Variants in GPC5 observed in about 807,000 individuals in gnomAD.
The protein encoded by GPC5 is glypican-5.
GPC5 carries 47 observed loss-of-function variants against 53.9 expected under a neutral mutation model. That is an observed-to-expected ratio of 0.87 (90% CI 0.69 to 1.11). The LOEUF is 1.11. Ranked by LOEUF, GPC5 falls within the 50% of genes most tolerant of loss-of-function variation. The pLI is 0.00. For synonymous variants in GPC5, 286 were observed against 263.3 expected (o/e 1.09, Z -0.84); for missense variants, 748 against 713.1 (o/e 1.05, Z -0.56).
chr13:91,650,750 G>GTTTTTGTTTTTTTTTTTTTTTTT lies in GPC5; in HGVS notation c.326-42432_326-42431insGTTTTTTTTTTTTTTTTTTTTTT, dbSNP rs1491353283. On this transcript the variant is annotated intron_variant, in intron 2 of 7. Transcript: ENST00000377067. ...CATCTGTGAAACAAAATTCCCATAAGTTTTTTTTTTTTTTTTTTTTTTAGC... is the reference window on the plus strand; with the variant it reads ...CATCTGTGAAACAAAATTCCCATAAGTTTTTGTTTTTTTTTTTTTTTTTTTTTTTTTTTTTTTTTTTTTTTAGC... Among the ~76,000 whole-genome samples, 554 of 99,566 alleles carry GTTTTTGTTTTTTTTTTTTTTTTT rather than the reference G, an allele frequency of 5.6e-3. 15 individuals are homozygous for GTTTTTGTTTTTTTTTTTTTTTTT. Among genetic ancestry groups the GTTTTTGTTTTTTTTTTTTTTTTT allele is most frequent in the East Asian group, 0.011 (33 of 3,036 alleles). 65.3% of individuals were successfully genotyped at this position (99,566 alleles called of 152,430 possible).
intron 7 of GPC5, among the ~76,000 whole-genome samples, chr13:92,349,711 ATG>A (rs2043459768): frequency 2.6e-5 from 4 of 152,102 alleles, no homozygotes; most frequent in Admixed American, 6.6e-5. Flanking sequence ...AAAATCTGAA[ATG>A]ACCAATAAGA....
intron 5 of GPC5, among the ~76,000 whole-genome samples, chr13:91,828,400 TAG>T (rs1319961898): frequency 4.6e-5 from 7 of 151,912 alleles, no homozygotes; most frequent in Non-Finnish European, 1.0e-4. Flanking sequence ...GGAAGATAGA[TAG>T]AGACACACAG....
intron 7 of GPC5, among the ~76,000 whole-genome samples, chr13:92,411,905 T>C (rs1594179466): frequency 6.6e-6 from 1 of 152,200 alleles, no homozygotes; most frequent in East Asian, 1.9e-4. Flanking sequence ...CAAAAGTAAT[T>C]GCGGTTTTAG....
At chr13:92,741,841 G>GT (rs943030665) in intron 7 of GPC5, among the ~76,000 whole-genome samples, 3 of 151,972 alleles carry the variant, frequency 2.0e-5, no homozygotes, top group African/African-American at 4.8e-5. Context: ...GCGGTGTTTG[G>GT]TTTTTTTCCT....
At chr13:92,011,146 T>G (rs536759649) in intron 6 of GPC5, among the ~76,000 whole-genome samples, 1 of 152,290 alleles carries the variant, frequency 6.6e-6, no homozygotes, top group East Asian at 1.9e-4. Flanking sequence ...TAAGCAAAGA[T>G]TTTTCATTAG....
At chr13:91,722,469 A>T (rs1025438671) in intron 3 of GPC5, among the ~76,000 whole-genome samples, 2 of 152,214 alleles carry the variant, frequency 1.3e-5, no homozygotes, top group Non-Finnish European at 2.9e-5. Flanking sequence ...AATTATGAAT[A>T]GGAATGAAAT....
chr13:92,426,152 C>T (rs1023898907), intron 7 of GPC5, among the ~76,000 whole-genome samples: 1 of 152,002 alleles, frequency 6.6e-6, no homozygotes, highest in Non-Finnish European at 1.5e-5. Flanking sequence ...AGAATTTGTT[C>T]ATTTTATTTA....
At chr13:92,187,232 A>T (rs905764272) in intron 7 of GPC5, among the ~76,000 whole-genome samples, 1 of 152,198 alleles carries the variant, frequency 6.6e-6, no homozygotes, top group African/African-American at 2.4e-5. Context: ...CACTTTAAGA[A>T]TGGATTGCAG....
chr13:92,586,807 A>T (rs1883550128), intron 7 of GPC5, among the ~76,000 whole-genome samples: 1 of 152,188 alleles, frequency 6.6e-6, no homozygotes, highest in Non-Finnish European at 1.5e-5. Flanking sequence ...AAGGTGAAAG[A>T]GGTCAAGCAT....
At chr13:92,385,606 C>CACATAT (rs897003564) in intron 7 of GPC5, among the ~76,000 whole-genome samples, 6 of 142,404 alleles carry the variant, frequency 4.2e-5, no homozygotes, top group African/African-American at 1.5e-4. Flanking sequence ...TACATATATA[C>CACATAT]ACATATACAT....
chr13:91,908,096 T>G (rs201435726), intron 6 of GPC5, 39 bp downstream of exon 6: 9 of 1,380,180 alleles, frequency 6.5e-6, no homozygotes, highest in Non-Finnish European at 8.5e-6. Flanking sequence ...TACTCAGTCA[T>G]AAATAATAAG....
intron 7 of GPC5, among the ~76,000 whole-genome samples, chr13:92,766,734 G>A (rs1875419567): frequency 6.6e-6 from 1 of 152,218 alleles, no homozygotes; most frequent in South Asian, 2.1e-4. Flanking sequence ...AAAATAGAGA[G>A]AGAGAGAGCA....
Position 92,721,357 on chromosome 13 carries a change from C to T in GPC5, c.1562-144925C>T, listed in dbSNP as rs1203955968. Reference sequence around the variant, plus strand: ...TCTATTTCTAGGATTAAGGGATGAGCGTATCCTAATGAAATAGGTAAAATA... The same window carrying T: ...TCTATTTCTAGGATTAAGGGATGAGTGTATCCTAATGAAATAGGTAAAATA... On this transcript the variant is annotated intron_variant, in intron 7 of 7. Transcript: ENST00000377067. Among the ~76,000 whole-genome samples, 4 of 151,952 alleles carry T rather than the reference C, an allele frequency of 2.6e-5. No homozygotes were observed. In the East Asian group the frequency reaches 5.8e-4, roughly 22 times the overall value.
At chr13:92,297,023 T>C (rs1209468311) in intron 7 of GPC5, among the ~76,000 whole-genome samples, 2 of 152,314 alleles carry the variant, frequency 1.3e-5, no homozygotes, top group South Asian at 4.1e-4. Context: ...CCCAGTCCCA[T>C]TGACCACCCA....
chr13:92,162,810 C>T (rs1265628189), intron 7 of GPC5, among the ~76,000 whole-genome samples: 6 of 149,336 alleles, frequency 4.0e-5, no homozygotes, highest in South Asian at 4.2e-4. Flanking sequence ...AATGACAACT[C>T]AATACTTTTT....
chr13:92,329,764 GGATTCTATTAACACTGGCCAAGAAAACAT>G (rs2043276135), intron 7 of GPC5, among the ~76,000 whole-genome samples: 1 of 152,112 alleles, frequency 6.6e-6, no homozygotes, highest in Non-Finnish European at 1.5e-5. Context: ...CATGGTGATA[GGATTCTATTAACACTGGCCAAGAAAACAT>G]CACAGGACAG....
At position 92,529,136 on chromosome 13, in the gene GPC5, G is replaced by A. The variant is rs536059374; in HGVS notation, c.1562-337146G>A. 1.1e-3 allele frequency among the ~76,000 whole-genome samples: 165 copies of A among 152,180 alleles called. 1 individual carries two copies. Among genetic ancestry groups the A allele is most frequent in the Admixed American group, 2.6e-3 (40 of 15,284 alleles). ...TAAAAAAACAAGAGTTCAAAATATT[G>A]TGTTGTTAATTGAAAAGATATGTAA... On this transcript the variant is annotated intron_variant, in intron 7 of 7. Transcript: ENST00000377067.
At chr13:92,741,186 G>C (rs1354720246) in intron 7 of GPC5, among the ~76,000 whole-genome samples, 1 of 150,842 alleles carries the variant, frequency 6.6e-6, no homozygotes, top group Non-Finnish European at 1.5e-5. Context: ...TGAGGACTTT[G>C]CCAAGCATGT....
chr13:92,361,403 T>A (rs2043565836), intron 7 of GPC5, among the ~76,000 whole-genome samples: 1 of 151,704 alleles, frequency 6.6e-6, no homozygotes, highest in African/African-American at 2.4e-5. Flanking sequence ...TCTGGAAAGT[T>A]AAAAAGGTAG....
Sources: allele counts gnomAD v4.1 joint callset (sites outside exome capture counted in the v4.1 genomes callset), GRCh38; gene constraint gnomAD v4.1.1; transcripts MANE v1.5; gene names NCBI Gene and HGNC (gene_info 2026-07-23, HGNC 2026-07-21).